The following ENPP3 variants were observed in gnomAD, a reference collection of about 807,000 sequenced individuals.
ENPP3 encodes ectonucleotide pyrophosphatase/phosphodiesterase 3.
Under a neutral mutation model 117.8 loss-of-function variants are expected in ENPP3, and 104 were observed. The ratio of observed to expected loss-of-function variants is 0.88; its 90% confidence interval spans 0.75 to 1.04. The LOEUF (loss-of-function observed/expected upper bound fraction) is 1.04, where lower values mean the gene tolerates loss of function less well. ENPP3 is among the 50% of genes least tolerant of loss of function. The pLI is 0.00. For missense variants in ENPP3, 1,026 were observed against 1,051.9 expected (o/e 0.98, Z 0.34); for synonymous variants, 380 against 349.9 (o/e 1.09, Z -0.96).
intron 2 of ENPP3, 24 bp downstream of exon 2, chr6:131,641,554 G>A: frequency 6.9e-7 from 1 of 1,444,082 alleles, no homozygotes; most frequent in Non-Finnish European, 9.7e-7. Context: ...CCTTTTCTCA[G>A]AACATTCCCT....
chr6:131,745,762 A>G (rs963548769), intron 24 of ENPP3, among the ~76,000 whole-genome samples: 1 of 152,202 alleles, frequency 6.6e-6, no homozygotes, highest in Non-Finnish European at 1.5e-5. Context: ...CACTGCCTAT[A>G]GAACTGTAAA....
At chr6:131,676,222 C>T (rs1270989288) in intron 9 of ENPP3, among the ~76,000 whole-genome samples, 1 of 151,256 alleles carries the variant, frequency 6.6e-6, no homozygotes, top group Non-Finnish European at 1.5e-5. Context: ...AATTTCAAAC[C>T]ACCTTCATCT....
At chr6:131,668,340 G>T (rs1435931887) in intron 6 of ENPP3, among the ~76,000 whole-genome samples, 4 of 125,934 alleles carry the variant, frequency 3.2e-5, no homozygotes, top group Non-Finnish European at 6.8e-5. Context: ...GCCCCCCCCT[G>T]AGGATCTGGG....
chr6:131,744,384 A>G (rs934019977), intron 24 of ENPP3, among the ~76,000 whole-genome samples: 1 of 152,222 alleles, frequency 6.6e-6, no homozygotes, highest in African/African-American at 2.4e-5. Flanking sequence ...TCAGAACTGC[A>G]GATCTAGATT....
At chr6:131,671,195 C>A (rs1778732533) in intron 6 of ENPP3, 53 bp from the exon 7 acceptor site, 3 of 1,014,554 alleles carry the variant, frequency 3.0e-6, no homozygotes, top group South Asian at 2.7e-5. Flanking sequence ...TTTAGTTATC[C>A]AAAAAACTGA....
At position 131,652,585 on chromosome 6, in the gene ENPP3, A is replaced by G. The variant is rs1778286686; in HGVS notation, c.321A>G (p.Arg107=). 7.4e-6 allele frequency: 12 copies of G among 1,614,044 alleles called. No individual in the cohort carries two copies. The highest frequency in any genetic ancestry group is 1.0e-5 in the Non-Finnish European group (12 of 1,179,922). ...ATAAATTTCGTTGTGGAGAGACCAG[A>G]TTAGAGGCCAGCCTTTGCTCTTGTT... is the stretch of plus-strand genomic sequence containing the variant. The part of the protein sequence containing the change: ...MCNKFRCGET[R]LEASLCSCSD... The change falls in exon 4 of 25, where the codon AGA becomes AGG. Residue 107 remains arginine (R), a synonymous_variant. Coordinates refer to ENST00000357639, the MANE Select transcript of ENPP3 (RefSeq NM_005021.5).
At chr6:131,659,043 A>G (rs1778444577) in intron 6 of ENPP3, among the ~76,000 whole-genome samples, 1 of 152,232 alleles carries the variant, frequency 6.6e-6, no homozygotes, top group Non-Finnish European at 1.5e-5. Context: ...GTGGCATACA[A>G]TGGGTGGTTT....
In ENPP3 at chr6:131,732,207, A is replaced by G. The variant is rs565537799; in HGVS notation, c.1954-1381A>G. The stretch of plus-strand genomic sequence containing the variant: ...AATTTTATTAAGAAAGATATCCATT[A>G]TGGGCAGTAGAGAGCATACAAATCA... On this transcript the variant is annotated intron_variant, in intron 20 of 24. Transcript: ENST00000357639. Among the ~76,000 whole-genome samples, 4 of 152,338 alleles carry G rather than the reference A, an allele frequency of 2.6e-5. No homozygotes were observed. In the South Asian group the frequency reaches 8.3e-4, roughly 32 times the overall value.
At chr6:131,725,103 A>G (rs1196858908) in intron 19 of ENPP3, among the ~76,000 whole-genome samples, 2 of 151,708 alleles carry the variant, frequency 1.3e-5, no homozygotes, top group Non-Finnish European at 2.9e-5. Flanking sequence ...CACCCTTGTA[A>G]TCCCAGTTAC....
At position 131,702,402 on chromosome 6, in the gene ENPP3, T is replaced by A. The variant is rs1173894892; in HGVS notation, c.1412+8778T>A. 2.0e-5 allele frequency among the ~76,000 whole-genome samples: 3 copies of A among 152,052 alleles called. No individual in the cohort carries two copies. In the East Asian group the frequency reaches 5.8e-4, roughly 29 times the overall value. ...TCTTTTCTTATCCAAGTGTAAAGAC[T>A]TATTTTTTAGCCCAGAACATTATTT... On this transcript the variant is annotated intron_variant, in intron 15 of 24. Transcript: ENST00000357639.
intron 15 of ENPP3, 71 bp downstream of exon 15, chr6:131,693,695 T>A: frequency 7.0e-7 from 1 of 1,436,828 alleles, no homozygotes; most frequent in East Asian, 2.3e-5. Context: ...TACTTAACCT[T>A]ACCCTGCTAT....
chr6:131,734,144 A>T (rs765251210), intron 21 of ENPP3, among the ~76,000 whole-genome samples: 4 of 152,202 alleles, frequency 2.6e-5, no homozygotes, highest in Non-Finnish European at 5.9e-5. Context: ...GGAATGATAC[A>T]GAGAAGGTCA....
At position 131,718,755 on chromosome 6, in the gene ENPP3, T is replaced by C; in HGVS notation, c.1479+17T>C. On this transcript the variant is annotated intron_variant, in intron 16 of 24. Transcript: ENST00000357639. ...AGCATGGAGGTAACTTACTGCTTTT[T>C]TTTTTAACTTTTATTTTAAGTTCAG... is the stretch of plus-strand genomic sequence containing the variant. 1 of 1,538,370 alleles carries C rather than the reference T, an allele frequency of 6.5e-7. No individual in the cohort carries two copies. Among genetic ancestry groups the C allele is most frequent in the Non-Finnish European group, 8.9e-7 (1 of 1,119,650 alleles).
chr6:131,638,859 C>T (rs866500207), intron 1 of ENPP3, among the ~76,000 whole-genome samples: 108 of 151,678 alleles, frequency 7.1e-4, no homozygotes, highest in African/African-American at 2.5e-3. Flanking sequence ...GACTGGGTCT[C>T]GCTATGTTGC....
intron 1 of ENPP3, 91 bp downstream of exon 1, chr6:131,637,553 TAAA>T: frequency 2.9e-6 from 2 of 692,764 alleles, no homozygotes; most frequent in Non-Finnish European, 4.7e-6. Context: ...GTGTTGCTAT[TAAA>T]ATGTAAACTT....
chr6:131,644,401 C>A (rs1010540645), intron 2 of ENPP3, among the ~76,000 whole-genome samples: 1 of 152,102 alleles, frequency 6.6e-6, no homozygotes, highest in Non-Finnish European at 1.5e-5. Flanking sequence ...TCTGGGTAAG[C>A]CTTATGTCTT....
chr6:131,642,671 A>G (rs985042881), intron 2 of ENPP3: 7 of 152,206 alleles, frequency 4.6e-5, no homozygotes, highest in Non-Finnish European at 1.0e-4. Context: ...TCCTGGGCTC[A>G]AGTGATCCTC....
At chr6:131,739,198 G>A (rs1422277826) in intron 23 of ENPP3, among the ~76,000 whole-genome samples, 1 of 152,186 alleles carries the variant, frequency 6.6e-6, no homozygotes, top group Non-Finnish European at 1.5e-5. Context: ...GCCTGGCTCT[G>A]AGTCCATGTT....
At chr6:131,687,925 C>A (rs539431527) in intron 14 of ENPP3, among the ~76,000 whole-genome samples, 2 of 152,106 alleles carry the variant, frequency 1.3e-5, no homozygotes, top group Non-Finnish European at 2.9e-5. Flanking sequence ...CAGTTACAGG[C>A]TTACCTTGCT....
Sources: gnomAD v4.1 joint callset for allele counts (sites outside exome capture counted in the v4.1 genomes callset) on GRCh38, gnomAD v4.1.1 for gene constraint, MANE v1.5 for transcripts, NCBI Gene and HGNC (gene_info 2026-07-23, HGNC 2026-07-21) for gene names.